Variants in ZNF385D observed in about 807,000 individuals in gnomAD.
The protein encoded by ZNF385D is zinc finger protein 659.
In ZNF385D, 15 loss-of-function variants were observed where a neutral mutation model predicts 35.8. The ratio of observed to expected loss-of-function variants is 0.42; its 90% confidence interval spans 0.28 to 0.64. The LOEUF is 0.64. ZNF385D is among the 30% of genes least tolerant of loss of function. The probability of loss-of-function intolerance (pLI) is 0.23; values close to 1 mark genes in which losing one functional copy is unlikely to be tolerated. For synonymous variants in ZNF385D, 212 were observed against 186.8 expected, an observed-to-expected ratio of 1.13 and a Z score of -1.10; for missense variants, 474 against 494.6, an observed-to-expected ratio of 0.96 and a Z score of 0.39.
chr3:21,879,969 G>T (rs1296099429), intron 3 of ZNF385D, among the ~76,000 whole-genome samples: 1 of 151,864 alleles, frequency 6.6e-6, no homozygotes, highest in Non-Finnish European at 1.5e-5. Context: ...CCAAATTAGA[G>T]TCTGGCCACA....
chr3:22,152,150 C>T (rs1348985875), intron 3 of ZNF385D, among the ~76,000 whole-genome samples: 1 of 152,118 alleles, frequency 6.6e-6, no homozygotes, highest in Admixed American at 6.6e-5. Context: ...TGATGACCTC[C>T]AGCTCCACCC....
rs560239382 is a variant in ZNF385D at position 21,958,416 on chromosome 3, A to C, written c.325+210401T>G. Among the ~76,000 whole-genome samples, 5 of 152,230 alleles carry C rather than the reference A, an allele frequency of 3.3e-5. No homozygotes were observed. In the South Asian group the frequency reaches 1.0e-3, roughly 32 times the overall value. ...GTTATTCATCCTTAAAATGGAAATA[A>C]TAATATTTCTCCAAAAGATCACTAT... On this transcript the variant is annotated intron_variant, in intron 3 of 5. Transcript: ENST00000494108.
chr3:21,696,969 A>T (rs2067493111), intron 1 of ZNF385D, among the ~76,000 whole-genome samples: 1 of 152,230 alleles, frequency 6.6e-6, no homozygotes, highest in East Asian at 1.9e-4. Context: ...AAACTACAAG[A>T]ATACTTTTAA....
intron 2 of ZNF385D, among the ~76,000 whole-genome samples, chr3:21,633,275 G>T (rs974347053): frequency 1.4e-4 from 22 of 151,966 alleles, no homozygotes; most frequent in Admixed American, 1.4e-3. Flanking sequence ...ATAACAGCTG[G>T]CTATAGCACT....
intron 3 of ZNF385D, among the ~76,000 whole-genome samples, chr3:21,916,983 T>C (rs989709818): frequency 2.6e-5 from 4 of 152,242 alleles, no homozygotes; most frequent in African/African-American, 9.6e-5. Context: ...TATCATGTTC[T>C]CTGCTGATTT....
intron 2 of ZNF385D, among the ~76,000 whole-genome samples, chr3:22,229,915 T>C (rs964877827): frequency 1.3e-5 from 2 of 152,182 alleles, no homozygotes; most frequent in African/African-American, 2.4e-5. Flanking sequence ...AGGCTCAACA[T>C]TGTACTGCCC....
chr3:21,926,025 T>C (rs558045658), intron 3 of ZNF385D, among the ~76,000 whole-genome samples: 10 of 152,172 alleles, frequency 6.6e-5, no homozygotes, highest in Admixed American at 1.3e-4. Flanking sequence ...TATACGTGGA[T>C]AGTCGGAATG....
In ZNF385D at chr3:21,640,348, G is replaced by A. The variant is rs533820126; in HGVS notation, c.165+24538C>T. ...GTTCCACACAAACCATGTTCTTAAGGTCTATCGCCAAATAATGGAAAAATC... is the reference window on the plus strand; with the variant it reads ...GTTCCACACAAACCATGTTCTTAAGATCTATCGCCAAATAATGGAAAAATC... On this transcript the variant is annotated intron_variant, in intron 2 of 7. Coordinates refer to ENST00000281523, the MANE Select transcript of ZNF385D (RefSeq NM_024697.3). 7.9e-5 allele frequency among the ~76,000 whole-genome samples: 12 copies of A among 152,014 alleles called. No homozygotes were observed. In the South Asian group the frequency reaches 8.3e-4, roughly 11 times the overall value.
chr3:22,273,582 C>A (rs1701283574), intron 2 of ZNF385D, among the ~76,000 whole-genome samples: 1 of 151,524 alleles, frequency 6.6e-6, no homozygotes, highest in African/African-American at 2.4e-5. Flanking sequence ...AACTCCTGTC[C>A]TAGAGGAATG....
intron 5 of ZNF385D, among the ~76,000 whole-genome samples, chr3:21,433,834 TATTAA>T (rs1372014409): frequency 6.6e-6 from 1 of 152,184 alleles, no homozygotes; most frequent in Non-Finnish European, 1.5e-5. Flanking sequence ...ATTTAGTGTA[TATTAA>T]ATTCGCAGAT....
Position 21,436,930 on chromosome 3 carries a change from G to T in ZNF385D, c.673+40C>A, listed in dbSNP as rs1445009521. On this transcript the variant is annotated intron_variant, in intron 5 of 7. Transcript: ENST00000281523. ...CTAATCTATTCAGAGGAAGATAATT[G>T]CAGAGCTGTTGAAACAAAAAAGAAA... The T allele has an allele frequency of 3.2e-6, 5 of 1,577,184 alleles. No individual in the cohort carries two copies. The South Asian group carries it at 5.7e-5, about 18-fold the overall frequency.
At chr3:21,630,073 T>C (rs1176564936) in intron 2 of ZNF385D, among the ~76,000 whole-genome samples, 1 of 152,150 alleles carries the variant, frequency 6.6e-6, no homozygotes, top group Non-Finnish European at 1.5e-5. Flanking sequence ...TCATAACCAT[T>C]TGATACAGAG....
At chr3:21,961,228 T>G (rs994275478) in intron 3 of ZNF385D, among the ~76,000 whole-genome samples, 6 of 152,068 alleles carry the variant, frequency 3.9e-5, no homozygotes, top group Non-Finnish European at 8.8e-5. Context: ...AGAAAATAAT[T>G]TTTAAATGAA....
chr3:22,183,818 A>G (rs1479727502), intron 2 of ZNF385D, among the ~76,000 whole-genome samples: 1 of 150,898 alleles, frequency 6.6e-6, no homozygotes, highest in Non-Finnish European at 1.5e-5. Context: ...TTATTTTTTC[A>G]CCTTTTCTGT....
chr3:21,956,898 A>G lies in ZNF385D; in HGVS notation c.325+211919T>C, dbSNP rs182256916. Among the ~76,000 whole-genome samples the G allele has an allele frequency of 1.2e-3, 185 of 151,992 alleles. 2 individuals carry two copies. Among genetic ancestry groups the G allele is most frequent in the Non-Finnish European group, 2.4e-3 (160 of 67,970 alleles). On this transcript the variant is annotated intron_variant, in intron 3 of 5. Transcript: ENST00000494108. ...CCAATTTAACCTTACCTTCAAGTTT[A>G]TCATCTGTGGTGATATAGTTTGGCT...
chr3:22,292,771 G>A (rs532143603), intron 2 of ZNF385D, among the ~76,000 whole-genome samples: 4 of 152,068 alleles, frequency 2.6e-5, no homozygotes, highest in Non-Finnish European at 5.9e-5. Flanking sequence ...TCTTTTTCTG[G>A]TTTATTTGCC....
intron 2 of ZNF385D, among the ~76,000 whole-genome samples, chr3:21,657,785 G>A (rs538290466): frequency 4.6e-5 from 7 of 152,052 alleles, no homozygotes; most frequent in Admixed American, 2.6e-4. Context: ...AGTTATTAAT[G>A]TGTAAACTGA....
intron 3 of ZNF385D, among the ~76,000 whole-genome samples, chr3:22,121,953 G>T (rs1029134638): frequency 6.6e-6 from 1 of 152,080 alleles, no homozygotes; most frequent in Non-Finnish European, 1.5e-5. Flanking sequence ...CAAGTCTGGA[G>T]ACCCAGCTAC....
Position 22,210,559 on chromosome 3 carries a change from G to C in ZNF385D, c.107-41524C>G, listed in dbSNP as rs188995935. 9.9e-5 allele frequency among the ~76,000 whole-genome samples: 15 copies of C among 151,950 alleles called. No individual in the cohort carries two copies. The East Asian group carries it at 2.7e-3, about 28-fold the overall frequency. On this transcript the variant is annotated intron_variant, in intron 2 of 5. Transcript: ENST00000494108. Reference sequence around the variant, plus strand: ...TGGGTCAAGAAAATATATAGTTCTTGATCTGAAAGAGTCTCCAATCCATTG... The same window carrying C: ...TGGGTCAAGAAAATATATAGTTCTTCATCTGAAAGAGTCTCCAATCCATTG...
Sources: allele counts gnomAD v4.1 joint callset (sites outside exome capture counted in the v4.1 genomes callset), GRCh38; gene constraint gnomAD v4.1.1; transcripts MANE v1.5; gene names NCBI Gene and HGNC (gene_info 2026-07-23, HGNC 2026-07-21).